Variants in HSD17B12 observed in about 807,000 individuals in gnomAD.
The protein encoded by HSD17B12 is very-long-chain 3-oxoacyl-CoA reductase.
HSD17B12 carries 32 observed loss-of-function variants against 39.3 expected under a neutral mutation model. The observed-to-expected ratio is 0.81, with a 90% CI of 0.61 to 1.09. The LOEUF is 1.09. HSD17B12 is among the 50% of genes least tolerant of loss of function. HSD17B12 has a pLI of 0.00. For missense variants in HSD17B12, 342 were observed against 382.9 expected (o/e 0.89, Z 0.89); for synonymous variants, 150 against 146.7 (o/e 1.02, Z -0.16).
In HSD17B12 at chr11:43,754,176, G is replaced by T. The variant is rs1950489891; in HGVS notation, c.283+55G>T. 5.0e-6 allele frequency: 6 copies of T among 1,203,642 alleles called. No individual in the cohort carries two copies. In the South Asian group the frequency reaches 7.6e-5, roughly 15 times the overall value. 74.6% of individuals were successfully genotyped at this position (1,203,642 alleles called of 1,614,324 possible). A position where few individuals can be genotyped will look rare whatever the true frequency, so the allele number is the denominator to read the frequency against. On this transcript the variant is annotated intron_variant, in intron 3 of 10. Coordinates refer to ENST00000278353, the MANE Select transcript of HSD17B12 (RefSeq NM_016142.3). The stretch of plus-strand genomic sequence containing the variant: ...CATAGCTAATTAATGTTTTCAAGCA[G>T]TTATCCGATACTGACATAGTTATTT...
chr11:43,850,430 A>G (rs1396926120), intron 9 of HSD17B12, among the ~76,000 whole-genome samples: 3 of 152,200 alleles, frequency 2.0e-5, no homozygotes, highest in Non-Finnish European at 4.4e-5. Flanking sequence ...CGGTAAAGGC[A>G]GATGTGACAC....
chr11:43,766,314 C>T (rs537311465), intron 3 of HSD17B12, among the ~76,000 whole-genome samples: 1 of 152,296 alleles, frequency 6.6e-6, no homozygotes, highest in East Asian at 1.9e-4. Context: ...GAAAATCTCT[C>T]CAGACTATAA....
intron 10 of HSD17B12, 97 bp from the exon 11 acceptor site, chr11:43,855,047 A>G: frequency 9.0e-7 from 1 of 1,108,880 alleles, no homozygotes; most frequent in Non-Finnish European, 1.3e-6. Context: ...CTACCTATAA[A>G]TAAAAACAAC....
chr11:43,616,521 A>G, the HSD17B12 span, among the ~76,000 whole-genome samples: 1 of 151,932 alleles, frequency 6.6e-6, no homozygotes, highest in African/African-American at 2.4e-5. Context: ...TTGAATGCTC[A>G]TCATATGCCA....
chr11:43,774,261 T>A (rs1215067335), intron 3 of HSD17B12, among the ~76,000 whole-genome samples: 1 of 152,038 alleles, frequency 6.6e-6, no homozygotes. Flanking sequence ...GTCACCCAGC[T>A]GGAGTGCAGT....
chr11:43,777,344 A>G (rs1484042835), intron 3 of HSD17B12, among the ~76,000 whole-genome samples: 1 of 152,098 alleles, frequency 6.6e-6, no homozygotes, highest in Non-Finnish European at 1.5e-5. Flanking sequence ...TTGGATTCCT[A>G]GGTATTTTAT....
intron 1 of HSD17B12, among the ~76,000 whole-genome samples, chr11:43,722,870 T>C (rs1420550496): frequency 6.6e-6 from 1 of 151,876 alleles, no homozygotes; most frequent in Non-Finnish European, 1.5e-5. Flanking sequence ...CATGGTGGTG[T>C]GCTATTTTGA....
At chr11:43,740,411 A>G (rs573517415) in intron 1 of HSD17B12, among the ~76,000 whole-genome samples, 1 of 152,338 alleles carries the variant, frequency 6.6e-6, no homozygotes, top group African/African-American at 2.4e-5. Context: ...CGGGCCTATC[A>G]TAGTTGCTTT....
the HSD17B12 span, among the ~76,000 whole-genome samples, chr11:43,568,048 G>C: frequency 6.6e-6 from 1 of 152,032 alleles, no homozygotes; most frequent in African/African-American, 2.4e-5. Context: ...AAACTTCCTA[G>C]GTCCTATAGA....
chr11:43,815,609 G>A lies in HSD17B12; in HGVS notation c.456+108G>A, dbSNP rs889687155. On this transcript the variant is annotated intron_variant, in intron 5 of 10. Coordinates refer to ENST00000278353, the MANE Select transcript of HSD17B12 (RefSeq NM_016142.3). ...CCAGCTGCCTGTGGTTCACACGCTG[G>A]CTCTTCTGTTTACTACCTGAGTTCC... 1.1e-5 allele frequency: 7 copies of A among 614,996 alleles called. No individual in the cohort carries two copies. The East Asian group carries it at 1.9e-4, about 17-fold the overall frequency. 38.1% of individuals were successfully genotyped at this position (614,996 alleles called of 1,614,324 possible). A position where few individuals can be genotyped will look rare whatever the true frequency, so the allele number is the denominator to read the frequency against.
At chr11:43,824,827 C>G (rs1280194303) in intron 6 of HSD17B12, among the ~76,000 whole-genome samples, 1 of 152,142 alleles carries the variant, frequency 6.6e-6, no homozygotes, top group Non-Finnish European at 1.5e-5. Flanking sequence ...GAAACCCCAT[C>G]TCTACCAAAA....
At chr11:43,841,464 C>T (rs1485033522) in intron 9 of HSD17B12, among the ~76,000 whole-genome samples, 1 of 152,124 alleles carries the variant, frequency 6.6e-6, no homozygotes, top group Non-Finnish European at 1.5e-5. Context: ...GAAATGCTTG[C>T]CAAATCCAGT....
At chr11:43,680,590 A>C (rs1162066963), upstream of HSD17B12, 36 of 527,468 alleles carry the variant, frequency 6.8e-5, no homozygotes, top group East Asian at 9.8e-4. Flanking sequence ...CGGTGATGGG[A>C]GGAGTGTGGG....
chr11:43,742,128 TATATA>T lies in HSD17B12; in HGVS notation c.161-8782_161-8778del, dbSNP rs1442144695. 5.5e-4 allele frequency among the ~76,000 whole-genome samples: 64 copies of T among 115,794 alleles called. 1 individual carries two copies. The highest frequency in any genetic ancestry group is 2.0e-3 in the African/African-American group (62 of 31,098). The allele number at this position is 115,794 out of a possible 152,430, so 76.0% of individuals were successfully genotyped here. On this transcript the variant is annotated intron_variant, in intron 1 of 10. Coordinates refer to ENST00000278353, the MANE Select transcript of HSD17B12 (RefSeq NM_016142.3). ...GGCAAAGGAAATATATATATATATA[TATATA>T]TATATATTTTTTTTTTTAAATTGAG...
At chr11:43,780,043 T>C (rs186834651) in intron 3 of HSD17B12, among the ~76,000 whole-genome samples, 1 of 152,246 alleles carries the variant, frequency 6.6e-6, no homozygotes, top group South Asian at 2.1e-4. Context: ...ATGGGAAGTA[T>C]TGGTAGCAGG....
intron 3 of HSD17B12, among the ~76,000 whole-genome samples, chr11:43,788,441 A>G (rs1326857780): frequency 6.6e-6 from 1 of 152,192 alleles, no homozygotes; most frequent in African/African-American, 2.4e-5. Context: ...TATACATTTT[A>G]TAACCCTTGT....
At chr11:43,595,902 A>G in the HSD17B12 span, among the ~76,000 whole-genome samples, 1 of 152,118 alleles carries the variant, frequency 6.6e-6, no homozygotes, top group African/African-American at 2.4e-5. Flanking sequence ...ATTATCTTCC[A>G]TGTTTTGGTG....
chr11:43,675,737 T>C (rs1949689280), upstream of HSD17B12, among the ~76,000 whole-genome samples: 2 of 152,116 alleles, frequency 1.3e-5, no homozygotes. Context: ...AGGTTAGTAG[T>C]GGCCAGTCAA....
At chr11:43,770,706 G>A (rs535479674) in intron 3 of HSD17B12, among the ~76,000 whole-genome samples, 12 of 152,332 alleles carry the variant, frequency 7.9e-5, no homozygotes, top group African/African-American at 2.6e-4. Context: ...CTGCGCTCCA[G>A]CCTGGGTAAC....
Sources: gnomAD v4.1 joint callset for allele counts (sites outside exome capture counted in the v4.1 genomes callset) on GRCh38, gnomAD v4.1.1 for gene constraint, MANE v1.5 for transcripts, NCBI Gene and HGNC (gene_info 2026-07-23, HGNC 2026-07-21) for gene names.